WASHC4: variants seen among roughly 807,000 people sequenced by gnomAD.
The protein encoded by WASHC4 is WASH complex subunit 7.
WASHC4 carries 86 observed loss-of-function variants against 166.6 expected under a neutral mutation model. The ratio of observed to expected loss-of-function variants is 0.52; its 90% CI spans 0.43 to 0.62. The LOEUF (loss-of-function observed/expected upper bound fraction) is 0.62, where lower values mean the gene tolerates loss of function less well. WASHC4 is among the 20% of genes least tolerant of loss of function. The pLI, the probability that WASHC4 is intolerant of heterozygous loss-of-function variation, is 0.00. For synonymous variants in WASHC4, 446 were observed against 451.6 expected (o/e 0.99, Z 0.16); for missense variants, 1,262 against 1,382.4 (o/e 0.91, Z 1.38).
Position 105,144,870 on chromosome 12 carries a change from C to T in WASHC4, c.2332C>T (p.Gln778Ter). 1 of 1,611,208 alleles carries T rather than the reference C, an allele frequency of 6.2e-7. No homozygotes were observed. The highest frequency in any genetic ancestry group is 8.5e-7 in the Non-Finnish European group (1 of 1,178,952). The stretch of plus-strand genomic sequence containing the variant: ...ACATCTTCCCAGTCAGACTTTGGAA[C>T]AGGTATAGTATAAAATGTTTTTTTT... ...EAHLPSQTLE[Q>*]GLDVLEIMRN... Residue 778 changes from glutamine to a stop codon, truncating the protein, a stop_gained and splice_region_variant, in exon 22 of 33, where the codon CAG becomes TAG. Transcript: ENST00000332180. LOFTEE classifies it high-confidence loss of function.
chr12:105,111,234 G>A lies in WASHC4; in HGVS notation c.171G>A (p.Trp57Ter), dbSNP rs1402177784. Reference protein sequence around the residue: ...DALDDSIGDVWDFNLDPIALK... With the variant: ...DALDDSIGDV ...TGGATGACTCAATTGGAGATGTTTG[G>A]GATTTCAATCTTGATCCTATAGCAT... Residue 57 changes from tryptophan to a stop codon, truncating the protein, a stop_gained, in exon 2 of 33, where the codon TGG becomes TGA. Coordinates refer to ENST00000332180, the MANE Select transcript of WASHC4 (RefSeq NM_015275.3). LOFTEE classifies it high-confidence loss of function. 10 of 1,609,592 alleles carry A rather than the reference G, an allele frequency of 6.2e-6. No homozygotes were observed. Among genetic ancestry groups the A allele is most frequent in the African/African-American group, 1.3e-5 (1 of 74,716 alleles).
intron 25 of WASHC4, among the ~76,000 whole-genome samples, chr12:105,150,764 ACT>A (rs531347976): frequency 1.6e-4 from 25 of 152,238 alleles, no homozygotes; most frequent in African/African-American, 6.0e-4. Flanking sequence ...GGTTTAATTG[ACT>A]CACAGTTCTG....
At chr12:105,120,991 C>T (rs1450721063) in intron 8 of WASHC4, 110 bp from the exon 9 acceptor site, 2 of 740,332 alleles carry the variant, frequency 2.7e-6, no homozygotes, top group Non-Finnish European at 2.4e-6. Flanking sequence ...GATTTACCCA[C>T]TACTTTTACT....
chr12:105,142,325 G>C, intron 18 of WASHC4, 128 bp from the exon 19 acceptor site: 1 of 689,730 alleles, frequency 1.4e-6, no homozygotes, highest in Non-Finnish European at 2.7e-6. Flanking sequence ...TACTATGTTG[G>C]GTTAAGTGAT....
chr12:105,122,541 G>A lies in WASHC4; in HGVS notation c.786+303G>A, dbSNP rs115556187. Among the ~76,000 whole-genome samples, 489 of 151,652 alleles carry A rather than the reference G, an allele frequency of 3.2e-3. 2 individuals carry two copies. Among genetic ancestry groups the A allele is most frequent in the African/African-American group, 0.011 (452 of 41,314 alleles). Reference sequence around the variant, plus strand: ...GGCATATCTTGTTTTATTGCATTTCGCTTTATTGCATTTCCCAGGTAATTG... The same window carrying A: ...GGCATATCTTGTTTTATTGCATTTCACTTTATTGCATTTCCCAGGTAATTG... On this transcript the variant is annotated intron_variant, in intron 10 of 32. Coordinates refer to ENST00000332180, the MANE Select transcript of WASHC4 (RefSeq NM_015275.3).
chr12:105,149,345 T>C lies in WASHC4; in HGVS notation c.2515-270T>C, dbSNP rs1270591257. The stretch of plus-strand genomic sequence containing the variant: ...GTTTTGTGATTCTCACTACAGCCCT[T>C]AGTCCTATCATGAGAATATTTTCCA... On this transcript the variant is annotated intron_variant, in intron 24 of 32. Coordinates refer to ENST00000332180, the MANE Select transcript of WASHC4 (RefSeq NM_015275.3). 2.9e-6 allele frequency: 3 copies of C among 1,045,460 alleles called. No homozygotes were observed. The African/African-American group carries it at 5.2e-5, about 18-fold the overall frequency. The allele number at this position is 1,045,460 out of a possible 1,614,324, so 64.8% of individuals were successfully genotyped here. A position where few individuals can be genotyped will look rare whatever the true frequency, so the allele number is the denominator to read the frequency against.
chr12:105,157,117 A>T (rs1014009863), intron 27 of WASHC4, 119 bp from the exon 28 acceptor site: 5 of 662,846 alleles, frequency 7.5e-6, no homozygotes, highest in East Asian at 5.4e-5. Context: ...ACTGAAATGC[A>T]CAGTTGTTTC....
At chr12:105,138,104 T>C in intron 15 of WASHC4, 93 bp downstream of exon 15, 1 of 1,254,386 alleles carries the variant, frequency 8.0e-7, no homozygotes, top group South Asian at 1.5e-5. Flanking sequence ...TACATGATTA[T>C]ATGAGAACAG....
intron 26 of WASHC4, among the ~76,000 whole-genome samples, chr12:105,156,133 A>T (rs555731113): frequency 2.8e-4 from 42 of 152,246 alleles, no homozygotes; most frequent in Non-Finnish European, 5.3e-4. Flanking sequence ...GAAAGGAGCC[A>T]GGGATGACTT....
chr12:105,109,649 CTTTTTTTTTTTT>C (rs36080234), intron 1 of WASHC4, among the ~76,000 whole-genome samples: 1 of 97,624 alleles, frequency 1.0e-5, no homozygotes, highest in Non-Finnish European at 2.0e-5. Flanking sequence ...CTAGCATTGT[CTTTTTTTTTTTT>C]TTTTTTTTTC....
At position 105,133,868 on chromosome 12, in the gene WASHC4, T is replaced by C; in HGVS notation, c.1298T>C (p.Leu433Pro). Residue 433 changes from leucine (L) to proline (P), a missense_variant, in exon 14 of 33, where the codon CTC (leucine) becomes CCC (proline). Physicochemically the swap from Leu to Pro is moderately conservative, Grantham distance 98. Coordinates refer to ENST00000332180, the MANE Select transcript of WASHC4 (RefSeq NM_015275.3). ...AGAATGGATAAATTTGCTGAAGATCTCACCAATAGATGTAATGTTTTTATA... is the reference window on the plus strand; with the variant it reads ...AGAATGGATAAATTTGCTGAAGATCCCACCAATAGATGTAATGTTTTTATA... ...EQRMDKFAEDLTNRCNVFIQG... is the reference protein window; with the variant it reads ...EQRMDKFAEDPTNRCNVFIQG... The C allele has an allele frequency of 6.2e-7, 1 of 1,612,354 alleles. No individual in the cohort carries two copies. The highest frequency in any genetic ancestry group is 1.1e-5 in the South Asian group (1 of 91,030).
chr12:105,140,447 G>A (rs1882737512), intron 16 of WASHC4, 46 bp downstream of exon 16: 1 of 1,371,784 alleles, frequency 7.3e-7, no homozygotes, highest in Non-Finnish European at 1.0e-6. Flanking sequence ...TATCTTTTTT[G>A]TTTGTTCTTT....
chr12:105,141,272 G>C, intron 18 of WASHC4, 26 bp downstream of exon 18: 1 of 1,388,410 alleles, frequency 7.2e-7, no homozygotes. Context: ...ATATGCTGTG[G>C]TACTCCAAAG....
intron 24 of WASHC4, chr12:105,147,577 G>A: frequency 2.0e-6 from 2 of 1,011,150 alleles, no homozygotes; most frequent in African/African-American, 1.7e-5. Flanking sequence ...CATATAAATA[G>A]GAACTTACTA....
chr12:105,122,781 C>T (rs996745555), intron 10 of WASHC4, among the ~76,000 whole-genome samples: 2 of 152,088 alleles, frequency 1.3e-5, no homozygotes, highest in African/African-American at 4.8e-5. Context: ...AATAGTGCCC[C>T]TGTAAGATGA....
intron 1 of WASHC4, among the ~76,000 whole-genome samples, chr12:105,110,444 A>G (rs1278090986): frequency 6.6e-6 from 1 of 152,214 alleles, no homozygotes; most frequent in Non-Finnish European, 1.5e-5. Context: ...TTTAAAATCC[A>G]GCTTATTCCA....
rs79867841 is a variant in WASHC4, at chr12:105,162,376, C to T, written c.3061-373C>T. Reference sequence around the variant, plus strand: ...ATAAAGCAGGCCTACTTTGCTAACTCCAGCATTCACTTAATATATGACTTT... The same window carrying T: ...ATAAAGCAGGCCTACTTTGCTAACTTCAGCATTCACTTAATATATGACTTT... On this transcript the variant is annotated intron_variant, in intron 29 of 32. Transcript: ENST00000332180. Among the ~76,000 whole-genome samples, 905 of 152,280 alleles carry T rather than the reference C, an allele frequency of 5.9e-3. 19 individuals carry two copies. The highest frequency in any genetic ancestry group is 0.021 in the African/African-American group (855 of 41,544).
rs1881377830 is a variant in WASHC4 at position 105,127,295 on chromosome 12, T to G, written c.1199+6T>G. 1.9e-6 allele frequency: 3 copies of G among 1,576,942 alleles called. No individual in the cohort carries two copies. The highest frequency in any genetic ancestry group is 1.3e-5 in the African/African-American group (1 of 74,216). On this transcript the variant is annotated splice_donor_region_variant and intron_variant, in intron 13 of 32. Coordinates refer to ENST00000332180, the MANE Select transcript of WASHC4 (RefSeq NM_015275.3). ...AAAGCTCAATCACTTACCAAGTAGGTTTTATAAACAAGTATAATGAAAATA... is the reference window on the plus strand; with the variant it reads ...AAAGCTCAATCACTTACCAAGTAGGGTTTATAAACAAGTATAATGAAAATA...
chr12:105,134,029 C>T, intron 14 of WASHC4, 133 bp downstream of exon 14: 1 of 766,374 alleles, frequency 1.3e-6, no homozygotes, highest in Non-Finnish European at 2.1e-6. Flanking sequence ...ATGTTGGGAT[C>T]TGTGTGACTT....
Sources: gnomAD v4.1 joint callset for allele counts (sites outside exome capture counted in the v4.1 genomes callset) on GRCh38, gnomAD v4.1.1 for gene constraint, MANE v1.5 for transcripts, NCBI Gene and HGNC (gene_info 2026-07-23, HGNC 2026-07-21) for gene names.